EML2: variants seen among roughly 807,000 people sequenced by gnomAD.
The protein encoded by EML2 is EMAP like 2.
Under a neutral mutation model 84.7 loss-of-function variants are expected in EML2, and 59 were observed. That is an observed-to-expected ratio of 0.70 (90% CI 0.56 to 0.86). EML2 has a LOEUF of 0.86. Among genes scored for constraint, EML2 ranks in the 40% least tolerant of loss-of-function variants. The pLI is 0.00. For missense variants in EML2, 818 were observed against 855.6 expected (o/e 0.96, Z 0.55); for synonymous variants, 352 against 348.9 (o/e 1.01, Z -0.10).
chr19:45,639,467 C>G, upstream of EML2: 3 of 1,209,272 alleles, frequency 2.5e-6, no homozygotes, highest in Non-Finnish European at 3.1e-6. Context: ...CCGCCGCGCC[C>G]CTGCCCCGCC....
intron 11 of EML2, chr19:45,620,974 G>C (rs755158045): frequency 1.5e-6 from 1 of 649,928 alleles, no homozygotes; most frequent in Admixed American, 2.1e-5. Flanking sequence ...CCCCCAATCA[G>C]AGTGGCAGGA....
intron 14 of EML2, 56 bp downstream of exon 14, chr19:45,616,709 C>T: frequency 6.5e-7 from 1 of 1,535,366 alleles, no homozygotes; most frequent in South Asian, 1.1e-5. Flanking sequence ...CTGCCAAGAG[C>T]TCTGAGCCTC....
Position 45,634,488 on chromosome 19 carries a change from G to A in EML2, c.180-17C>T, listed in dbSNP as rs540045929. ...TAGCCATAGCTGGAGCCACCCAGGG[G>A]CTGGTTAAGGAATGTGTTTTGTTGT... is the stretch of plus-strand genomic sequence containing the variant. On this transcript the variant is annotated splice_polypyrimidine_tract_variant and intron_variant, in intron 3 of 18. Coordinates refer to ENST00000245925, the MANE Select transcript of EML2 (RefSeq NM_012155.4). 3.7e-6 allele frequency: 6 copies of A among 1,600,826 alleles called. No homozygotes were observed. In the East Asian group the frequency reaches 6.8e-5, roughly 18 times the overall value.
At position 45,634,323 on chromosome 19, in the gene EML2, A is replaced by C. The variant is rs1367731629; in HGVS notation, c.328T>G (p.Cys110Gly). Residue 110 changes from cysteine to glycine, a missense_variant and splice_region_variant, in exon 4 of 19, where the codon TGC (cysteine) becomes GGC (glycine). Transcript: ENST00000245925. The part of the protein sequence containing the change: ...HYLGHNDDIK[C>G]LAIHPDMVTI... ...CGTCCCCTCTGTCCCACATCTCACC[A>C]TTTGATGTCATCGTTGTGTCCCAGG... 8 of 1,612,828 alleles carry C rather than the reference A, an allele frequency of 5.0e-6. No homozygotes were observed. The highest frequency in any genetic ancestry group is 5.9e-6 in the Non-Finnish European group (7 of 1,179,288).
chr19:45,632,602 A>G (rs1973184591), intron 6 of EML2: 1 of 475,604 alleles, frequency 2.1e-6, no homozygotes, highest in Non-Finnish European at 3.9e-6. Flanking sequence ...CTGCCTGGAC[A>G]TGCCAAAACC....
At chr19:45,624,593 C>G in intron 9 of EML2, 126 bp downstream of exon 9, 1 of 685,352 alleles carries the variant, frequency 1.5e-6, no homozygotes, top group Non-Finnish European at 2.5e-6. Context: ...TGAACCTTGA[C>G]GAGGGTGTTG....
intron 3 of EML2, among the ~76,000 whole-genome samples, chr19:45,638,286 A>G (rs1427491401): frequency 2.0e-5 from 3 of 152,174 alleles, no homozygotes; most frequent in Admixed American, 6.5e-5. Flanking sequence ...GCTTCCAGCC[A>G]TTCCCAACTC....
chr19:45,620,233 C>A (rs1258082269), intron 11 of EML2, among the ~76,000 whole-genome samples: 1 of 151,866 alleles, frequency 6.6e-6, no homozygotes, highest in Non-Finnish European at 1.5e-5. Context: ...CCTGCCTCAG[C>A]CTTTTGAGTA....
At chr19:45,634,531 G>T in intron 3 of EML2, 60 bp from the exon 4 acceptor site, 1 of 1,242,270 alleles carries the variant, frequency 8.0e-7, no homozygotes, top group Non-Finnish European at 1.0e-6. Context: ...TGTTTGTTTT[G>T]TTTTTATTTA....
intron 4 of EML2, 143 bp from the exon 5 acceptor site, chr19:45,633,282 C>T: frequency 1.2e-6 from 1 of 813,924 alleles, no homozygotes. Flanking sequence ...TGAGCGGATG[C>T]CCTCCGGGTG....
At chr19:45,630,181 C>T (rs1390047149) in intron 6 of EML2, 135 bp from the exon 7 acceptor site, 1 of 649,906 alleles carries the variant, frequency 1.5e-6, no homozygotes, top group East Asian at 2.8e-5. Flanking sequence ...GGGAGGATCG[C>T]TTGAGTCCAG....
At chr19:45,616,027 G>A in intron 15 of EML2, 138 bp from the exon 16 acceptor site, 1 of 682,000 alleles carries the variant, frequency 1.5e-6, no homozygotes. Context: ...AGGATACACA[G>A]GCCTTTGGAG....
intron 11 of EML2, among the ~76,000 whole-genome samples, chr19:45,619,782 C>T (rs977046582): frequency 2.0e-5 from 3 of 152,130 alleles, no homozygotes; most frequent in Non-Finnish European, 4.4e-5. Flanking sequence ...TGGCCAGGTG[C>T]GGTGGCTCAC....
chr19:45,632,176 A>T (rs1973126581), intron 6 of EML2, among the ~76,000 whole-genome samples: 1 of 137,800 alleles, frequency 7.3e-6, no homozygotes, highest in Non-Finnish European at 1.5e-5. Flanking sequence ...TACAGGCGTG[A>T]GCCACTGCAC....
chr19:45,626,958 T>TTA, intron 7 of EML2, 119 bp from the exon 8 acceptor site: 72 of 849,500 alleles, frequency 8.5e-5, no homozygotes, highest in Non-Finnish European at 1.1e-4. Context: ...ACCTGAACTT[T>TTA]TCTTTTTTTT....
intron 11 of EML2, 132 bp downstream of exon 11, chr19:45,621,075 C>A: frequency 7.3e-7 from 1 of 1,376,920 alleles, no homozygotes; most frequent in South Asian, 1.2e-5. Context: ...GGTCCTGGGT[C>A]AGGGCCAGGT....
chr19:45,641,656 C>G (rs1568496080), upstream of EML2: 1 of 1,536,126 alleles, frequency 6.5e-7, no homozygotes, highest in Middle Eastern at 1.7e-4. Flanking sequence ...CTTTTTGGCG[C>G]TACAGTTGCT....
At chr19:45,643,162 C>T (rs867508123), upstream of EML2, among the ~76,000 whole-genome samples, 3 of 152,160 alleles carry the variant, frequency 2.0e-5, no homozygotes, top group African/African-American at 4.8e-5. Context: ...GTTATGAATA[C>T]CAACGTCTCT....
At chr19:45,620,034 T>C (rs1339275990) in intron 11 of EML2, among the ~76,000 whole-genome samples, 1 of 151,966 alleles carries the variant, frequency 6.6e-6, no homozygotes, top group African/African-American at 2.4e-5. Flanking sequence ...CTGGGTGATA[T>C]AATAAATAAA....
Sources: gnomAD v4.1 joint callset for allele counts (sites outside exome capture counted in the v4.1 genomes callset) on GRCh38, gnomAD v4.1.1 for gene constraint, MANE v1.5 for transcripts, NCBI Gene and HGNC (gene_info 2026-07-23, HGNC 2026-07-21) for gene names.